The following SLC30A7 variants were observed in gnomAD, a reference collection of about 807,000 sequenced individuals.
The protein encoded by SLC30A7 is zinc transporter 7.
Under a neutral mutation model 46.0 loss-of-function variants are expected in SLC30A7, and 35 were observed. The observed-to-expected ratio is 0.76, with a 90% CI of 0.58 to 1.01. SLC30A7 has a LOEUF of 1.01. Ranked by LOEUF, SLC30A7 falls within the 50% of genes least tolerant of loss-of-function variation. The probability of loss-of-function intolerance (pLI) is 0.00; values close to 1 mark genes in which losing one functional copy is unlikely to be tolerated. For missense variants in SLC30A7, 464 were observed against 451.1 expected (o/e 1.03, Z -0.26); for synonymous variants, 147 against 157.8 (o/e 0.93, Z 0.51).
At chr1:100,913,320 G>A (rs770742120) in intron 5 of SLC30A7, among the ~76,000 whole-genome samples, 16 of 152,034 alleles carry the variant, frequency 1.1e-4, no homozygotes, top group South Asian at 2.1e-4. Flanking sequence ...CTCATCTCCC[G>A]TGCCTAGAAT....
chr1:100,901,191 C>A (rs1376591982), intron 2 of SLC30A7, among the ~76,000 whole-genome samples: 2 of 152,094 alleles, frequency 1.3e-5, no homozygotes, highest in East Asian at 3.8e-4. Flanking sequence ...ATTCAGGAGT[C>A]CCTCATTGTC....
intron 6 of SLC30A7, among the ~76,000 whole-genome samples, chr1:100,915,336 A>G (rs1652470584): frequency 6.6e-6 from 1 of 151,662 alleles, no homozygotes; most frequent in Non-Finnish European, 1.5e-5. Context: ...TAAGTATACA[A>G]TACAGTATTA....
At chr1:100,915,557 T>C (rs1200900600) in intron 6 of SLC30A7, among the ~76,000 whole-genome samples, 1 of 152,156 alleles carries the variant, frequency 6.6e-6, no homozygotes, top group East Asian at 1.9e-4. Flanking sequence ...CTGGCTTATT[T>C]CACTTAGCAT....
At chr1:100,896,369 G>A (rs377762733) in intron 1 of SLC30A7, 27 bp downstream of exon 1, 2 of 1,612,548 alleles carry the variant, frequency 1.2e-6, no homozygotes, top group Non-Finnish European at 1.7e-6. Context: ...TTGCGGGGAG[G>A]GGGTGTCCGG....
At position 100,979,647 on chromosome 1, in the gene SLC30A7, C is replaced by A. The variant is rs1268819422; in HGVS notation, c.*4790C>A. 6.6e-6 allele frequency: 1 copy of A among 152,032 alleles called. No homozygotes were observed. The highest frequency in any genetic ancestry group is 2.4e-5 in the African/African-American group (1 of 41,414). 9.4% of individuals were successfully genotyped at this position (152,032 alleles called of 1,614,324 possible). ...GTTATTACATTTAATCCTCAAATTTCTACAAAGGAATAATTTTGCATGATT... is the reference window on the plus strand; with the variant it reads ...GTTATTACATTTAATCCTCAAATTTATACAAAGGAATAATTTTGCATGATT... On this transcript the variant is annotated 3_prime_UTR_variant, in exon 11 of 11. Coordinates refer to ENST00000357650, the MANE Select transcript of SLC30A7 (RefSeq NM_133496.5).
intron 3 of SLC30A7, among the ~76,000 whole-genome samples, chr1:100,908,133 C>G (rs1244396575): frequency 4.6e-5 from 7 of 151,990 alleles, no homozygotes; most frequent in African/African-American, 1.7e-4. Flanking sequence ...TTCTCTCACT[C>G]TCTCCCTGTC....
At chr1:100,909,022 A>G in intron 3 of SLC30A7, among the ~76,000 whole-genome samples, 1 of 150,118 alleles carries the variant, frequency 6.7e-6, no homozygotes, top group East Asian at 1.9e-4. Context: ...TCCACCTTTA[A>G]TTTAATCCTC....
At chr1:100,994,687 C>G in the SLC30A7 span, among the ~76,000 whole-genome samples, 1 of 152,094 alleles carries the variant, frequency 6.6e-6, no homozygotes, top group African/African-American at 2.4e-5. Flanking sequence ...CCACCACACC[C>G]AGCTAATTTT....
the SLC30A7 span, among the ~76,000 whole-genome samples, chr1:100,992,376 T>C: frequency 6.6e-6 from 1 of 152,156 alleles, no homozygotes; most frequent in Non-Finnish European, 1.5e-5. Flanking sequence ...ATATCAAATG[T>C]GACTTATGTT....
At chr1:100,941,188 C>A in intron 8 of SLC30A7, 2 of 371,096 alleles carry the variant, frequency 5.4e-6, no homozygotes, top group South Asian at 2.4e-5. Context: ...TTGCCAAGAT[C>A]ATTGTAGCTT....
chr1:100,956,819 A>G lies in SLC30A7; in HGVS notation c.843-5009A>G, dbSNP rs141924385. Among the ~76,000 whole-genome samples, 1,176 of 152,316 alleles carry G rather than the reference A, an allele frequency of 7.7e-3. 12 individuals are homozygous for G. Among genetic ancestry groups the G allele is most frequent in the African/African-American group, 0.027 (1,113 of 41,566 alleles). On this transcript the variant is annotated intron_variant, in intron 8 of 10. Transcript: ENST00000357650. ...TTAAAAAGAAGTTATCAACATACCAATTAAGAAAACCATTTACCAAAAGTT... is the reference window on the plus strand; with the variant it reads ...TTAAAAAGAAGTTATCAACATACCAGTTAAGAAAACCATTTACCAAAAGTT...
chr1:100,900,616 A>AT (rs1470041464), intron 2 of SLC30A7, among the ~76,000 whole-genome samples: 3 of 151,960 alleles, frequency 2.0e-5, no homozygotes, highest in Admixed American at 6.6e-5. Flanking sequence ...TTTGCTTAGA[A>AT]TTTTTTTTAA....
At chr1:100,992,798 T>C in the SLC30A7 span, 1 of 1,173,650 alleles carries the variant, frequency 8.5e-7, no homozygotes, top group African/African-American at 1.5e-5. Context: ...TAATATGTTA[T>C]TAATGCAATT....
intron 10 of SLC30A7, among the ~76,000 whole-genome samples, chr1:100,970,510 C>T (rs1277268645): frequency 6.6e-6 from 1 of 151,878 alleles, no homozygotes; most frequent in South Asian, 2.1e-4. Context: ...CACTTCAGTA[C>T]TCAGATTGCT....
chr1:100,976,830 T>G lies in SLC30A7; in HGVS notation c.*1973T>G, dbSNP rs1461902364. 1.3e-5 allele frequency: 2 copies of G among 152,624 alleles called. No homozygotes were observed. Among genetic ancestry groups the G allele is most frequent in the African/African-American group, 4.8e-5 (2 of 41,442 alleles). The allele number at this position is 152,624 out of a possible 1,614,324, so 9.5% of individuals were successfully genotyped here. On this transcript the variant is annotated 3_prime_UTR_variant, in exon 11 of 11. Coordinates refer to ENST00000357650, the MANE Select transcript of SLC30A7 (RefSeq NM_133496.5). The stretch of plus-strand genomic sequence containing the variant: ...TGCAGATTGCCGTGAACTCTATCAA[T>G]AGTCTCTTTTCCGCAGGCAAAGTGG...
At chr1:100,904,434 C>T (rs998623294) in intron 2 of SLC30A7, among the ~76,000 whole-genome samples, 1 of 152,064 alleles carries the variant, frequency 6.6e-6, no homozygotes, top group Admixed American at 6.6e-5. Flanking sequence ...CCACTTTTTC[C>T]ATAGATCCTT....
At chr1:100,934,702 G>T (rs998251674) in intron 8 of SLC30A7, among the ~76,000 whole-genome samples, 1 of 150,486 alleles carries the variant, frequency 6.6e-6, no homozygotes, top group African/African-American at 2.4e-5. Context: ...ATAAATGTAT[G>T]TAGGAATGCT....
At position 100,980,426 on chromosome 1, in the gene SLC30A7, G is replaced by A. The variant is rs1239808684; in HGVS notation, c.*5569G>A. ...GAAAATTATTTGTAATTTTGATCAT[G>A]ATGTTGGAAAGCTTGTAATAAAGAA... is the stretch of plus-strand genomic sequence containing the variant. On this transcript the variant is annotated 3_prime_UTR_variant, in exon 11 of 11. Coordinates refer to ENST00000357650, the MANE Select transcript of SLC30A7 (RefSeq NM_133496.5). 6.6e-6 allele frequency: 1 copy of A among 152,062 alleles called. No homozygotes were observed. The highest frequency in any genetic ancestry group is 2.4e-5 in the African/African-American group (1 of 41,436). 9.4% of individuals were successfully genotyped at this position (152,062 alleles called of 1,614,324 possible). A position where few individuals can be genotyped will look rare whatever the true frequency, so the allele number is the denominator to read the frequency against.
chr1:100,994,708 G>A, the SLC30A7 span, among the ~76,000 whole-genome samples: 1 of 152,076 alleles, frequency 6.6e-6, no homozygotes, highest in African/African-American at 2.4e-5. Context: ...TCCATTTTTA[G>A]TAGAGACGTG....
Sources: gnomAD v4.1 joint callset for allele counts (sites outside exome capture counted in the v4.1 genomes callset) on GRCh38, gnomAD v4.1.1 for gene constraint, MANE v1.5 for transcripts, NCBI Gene and HGNC (gene_info 2026-07-23, HGNC 2026-07-21) for gene names.